Variants in PSG6 observed in about 807,000 individuals in gnomAD.
PSG6 encodes pregnancy specific beta-1-glycoprotein 6, also known as pregnancy-specific beta-1-glycoprotein 6.
PSG6 carries 51 observed loss-of-function variants against 43.3 expected under a neutral mutation model. That is an observed-to-expected ratio of 1.18 (90% CI 0.94 to 1.49). The LOEUF is 1.49. Among genes scored for constraint, PSG6 ranks in the 40% most tolerant of loss-of-function variants. The pLI, the probability that PSG6 is intolerant of heterozygous loss-of-function variation, is 0.00. For synonymous variants in PSG6, 292 were observed against 197.6 expected, an observed-to-expected ratio of 1.48 and a Z score of -4.01; for missense variants, 770 against 522.2, an observed-to-expected ratio of 1.47 and a Z score of -4.62.
At chr19:42,911,290 T>C (rs1286012482) in intron 2 of PSG6, among the ~76,000 whole-genome samples, 1 of 151,684 alleles carries the variant, frequency 6.6e-6, no homozygotes, top group African/African-American at 2.4e-5. Flanking sequence ...AAGGACATCC[T>C]AGAGATGGAT....
intron 5 of PSG6, chr19:42,906,671 T>C: frequency 4.2e-6 from 6 of 1,423,952 alleles, no homozygotes; most frequent in South Asian, 3.0e-5. Context: ...TTCTACCACA[T>C]AGGGCTCAGG....
At chr19:42,915,820 C>A (rs1392608440) in intron 2 of PSG6, 3 of 515,324 alleles carry the variant, frequency 5.8e-6, no homozygotes, top group Admixed American at 3.6e-5. Context: ...CAGGGTCTTT[C>A]TCAGGGTCAA....
chr19:42,917,754 G>C lies in PSG6; in HGVS notation c.39C>G (p.Ile13Met). ...CTGTGAGCAGGAGCCCCTTCCAGGT[G>C]ATGTGCTGAGTGCAGGGAGGGGCTG... ...PLSAPPCTQH[I>M]TWKGLLLTAS... The change falls in exon 1 of 6, where the codon ATC (isoleucine) becomes ATG (methionine). Residue 13 changes from isoleucine to methionine, a missense_variant. By Grantham distance (10) the Ile-to-Met change is conservative. Transcript: ENST00000187910. The C allele has an allele frequency of 6.2e-7, 1 of 1,610,390 alleles. No individual in the cohort carries two copies. The highest frequency in any genetic ancestry group is 8.5e-7 in the Non-Finnish European group (1 of 1,177,994).
chr19:42,907,734 C>A lies in PSG6; in HGVS notation c.827G>T (p.Gly276Val). The A allele has an allele frequency of 6.2e-7, 1 of 1,610,824 alleles. No individual in the cohort carries two copies. The highest frequency in any genetic ancestry group is 8.5e-7 in the Non-Finnish European group (1 of 1,179,118). ...RNYTYIWWLNGQSLPVSPRVK... is the reference protein window; with the variant it reads ...RNYTYIWWLNVQSLPVSPRVK... ...CCTCGGACTGACCGGGAGGCTCTGA[C>A]CATTTAGCCACCAAATGTAGGTGTA... The change falls in exon 4 of 6, where the codon GGT becomes GTT. Residue 276 changes from glycine (G) to valine (V), a missense_variant. By Grantham distance (109) the Gly-to-Val change is moderately radical. Transcript: ENST00000187910.
Position 42,916,366 on chromosome 19 carries a change from A to T in PSG6, c.186T>A (p.Leu62=). 6.2e-7 allele frequency: 1 copy of T among 1,612,144 alleles called. No homozygotes were observed. The change falls in exon 2 of 6, where the codon CTT becomes CTA. Residue 62 remains leucine (L), a synonymous_variant. Transcript: ENST00000187910. The part of the protein sequence containing the change: ...LLLVHNLPQN[L]TGYIWYKGQM... ...GCCCTTTGTACCAGATGTAGCCAGTAAGATTCTGGGGCAAATTGTGGACAA... is the reference window on the plus strand; with the variant it reads ...GCCCTTTGTACCAGATGTAGCCAGTTAGATTCTGGGGCAAATTGTGGACAA...
At position 42,916,124 on chromosome 19, in the gene PSG6, C is replaced by G; in HGVS notation, c.427+1G>C. Reference sequence around the variant, plus strand: ...CCCAGGGATCATGCGGAATCACTCACAGTATAAGGTGACAGTGAAATATCC... The same window carrying G: ...CCCAGGGATCATGCGGAATCACTCAGAGTATAAGGTGACAGTGAAATATCC... On this transcript the variant is annotated splice_donor_variant, in intron 2 of 5. Coordinates refer to ENST00000187910, the MANE Select transcript of PSG6 (RefSeq NM_001031850.4). LOFTEE classifies it high-confidence loss of function. 1 of 1,610,600 alleles carries G rather than the reference C, an allele frequency of 6.2e-7. No individual in the cohort carries two copies. Among genetic ancestry groups the G allele is most frequent in the East Asian group, 2.2e-5 (1 of 44,764 alleles).
At chr19:42,906,624 C>G (rs1273689770) in intron 5 of PSG6, 2 of 1,371,112 alleles carry the variant, frequency 1.5e-6, no homozygotes, top group East Asian at 2.6e-5. Flanking sequence ...GCAACTTGAT[C>G]TTGAGGACTC....
chr19:42,911,301 G>T (rs1310209419), intron 2 of PSG6, among the ~76,000 whole-genome samples: 5 of 151,606 alleles, frequency 3.3e-5, no homozygotes, highest in Non-Finnish European at 7.4e-5. Context: ...AGAGATGGAT[G>T]ATGGAACTTC....
intron 3 of PSG6, among the ~76,000 whole-genome samples, chr19:42,908,821 T>C (rs1163092881): frequency 6.6e-6 from 1 of 151,702 alleles, no homozygotes; most frequent in East Asian, 1.9e-4. Context: ...ATTCCATGGG[T>C]TCCACTAATC....
chr19:42,906,879 T>G, intron 5 of PSG6, 43 bp downstream of exon 5: 2 of 1,611,624 alleles, frequency 1.2e-6, no homozygotes, highest in Non-Finnish European at 1.7e-6. Context: ...CCAGATAGAC[T>G]CCACCTAAAA....
chr19:42,909,215 C>A (rs1972174070), intron 3 of PSG6, among the ~76,000 whole-genome samples: 1 of 151,158 alleles, frequency 6.6e-6, no homozygotes, highest in Non-Finnish European at 1.5e-5. Flanking sequence ...CCTTTTTTTT[C>A]TCTCACCATG....
intron 1 of PSG6, 47 bp downstream of exon 1, chr19:42,917,682 C>T: frequency 1.9e-6 from 3 of 1,602,882 alleles, no homozygotes; most frequent in Non-Finnish European, 2.6e-6. Context: ...CCCATCCAGT[C>T]ACTCTGCTTC....
rs1054272625 is a variant in PSG6 at position 42,904,172 on chromosome 19, T to A, written c.1241-1726A>T. On this transcript the variant is annotated intron_variant, in intron 5 of 5. Coordinates refer to ENST00000187910, the MANE Select transcript of PSG6 (RefSeq NM_001031850.4). ...ACCACCTCAACATAAAGGCAATATG[T>A]GAAAAACCCAATGCTAACATCTTAC... Among the ~76,000 whole-genome samples, 6 of 151,578 alleles carry A rather than the reference T, an allele frequency of 4.0e-5. 1 individual carries two copies.
intron 5 of PSG6, chr19:42,903,577 A>T: frequency 2.1e-6 from 3 of 1,422,316 alleles, no homozygotes; most frequent in Non-Finnish European, 2.8e-6. Context: ...AAGAGAAAAG[A>T]TAAAATTACT....
intron 2 of PSG6, among the ~76,000 whole-genome samples, chr19:42,911,546 A>G (rs1048329814): frequency 2.0e-5 from 3 of 151,724 alleles, no homozygotes; most frequent in Admixed American, 6.6e-5. Flanking sequence ...GGGACAGGCA[A>G]GAGCTGATAG....
chr19:42,908,070 G>C (rs1972153337), intron 3 of PSG6: 2 of 830,894 alleles, frequency 2.4e-6, no homozygotes, highest in Non-Finnish European at 3.6e-6. Flanking sequence ...TTTCTCAAGT[G>C]TCAATTGAGC....
intron 3 of PSG6, among the ~76,000 whole-genome samples, chr19:42,908,321 AC>A (rs1163573497): frequency 2.6e-5 from 4 of 151,632 alleles, no homozygotes; most frequent in African/African-American, 9.7e-5. Flanking sequence ...TTGTCCTGAA[AC>A]CCTGCAGATA....
intron 2 of PSG6, among the ~76,000 whole-genome samples, chr19:42,912,251 C>T (rs1972241452): frequency 6.6e-6 from 1 of 151,446 alleles, no homozygotes; most frequent in Admixed American, 6.6e-5. Flanking sequence ...GTAATTTTCC[C>T]ATAAAAAGTT....
intron 3 of PSG6, 175 bp downstream of exon 3, chr19:42,910,405 T>C: frequency 6.6e-7 from 1 of 1,512,324 alleles, no homozygotes; most frequent in Non-Finnish European, 9.1e-7. Context: ...TCTCTCTTAT[T>C]GTTGATCAAG....
Sources: allele counts gnomAD v4.1 joint callset (sites outside exome capture counted in the v4.1 genomes callset), GRCh38; gene constraint gnomAD v4.1.1; transcripts MANE v1.5; gene names NCBI Gene and HGNC (gene_info 2026-07-23, HGNC 2026-07-21).